The following MRPL3 variants were observed in gnomAD, a reference collection of about 807,000 sequenced individuals.
MRPL3 encodes the protein large ribosomal subunit protein uL3m.
Under a neutral mutation model 44.3 loss-of-function variants are expected in MRPL3, and 43 were observed. The ratio of observed to expected loss-of-function variants is 0.97; its 90% CI spans 0.76 to 1.25. The LOEUF is 1.25. MRPL3 is among the 50% of genes most tolerant of loss of function. The pLI, the probability that MRPL3 is intolerant of heterozygous loss-of-function variation, is 0.00. For missense variants in MRPL3, 406 were observed against 427.6 expected, an observed-to-expected ratio of 0.95 and a Z score of 0.45; for synonymous variants, 171 against 152.3, an observed-to-expected ratio of 1.12 and a Z score of -0.91.
At chr3:131,476,199 T>A (rs1268978949) in intron 6 of MRPL3, among the ~76,000 whole-genome samples, 1 of 152,188 alleles carries the variant, frequency 6.6e-6, no homozygotes, top group Non-Finnish European at 1.5e-5. Context: ...CTAGAATACA[T>A]CATGTAGTTA....
chr3:131,499,253 A>T (rs953519035), intron 3 of MRPL3, among the ~76,000 whole-genome samples: 6 of 152,138 alleles, frequency 3.9e-5, no homozygotes, highest in African/African-American at 1.4e-4. Flanking sequence ...ACAACATTTC[A>T]TTATGTGAAT....
At chr3:131,490,472 G>A (rs1047861055) in intron 4 of MRPL3, among the ~76,000 whole-genome samples, 3 of 152,046 alleles carry the variant, frequency 2.0e-5, no homozygotes, top group Admixed American at 6.6e-5. Flanking sequence ...AAGAAAACAC[G>A]GTATGTTACA....
intron 1 of MRPL3, among the ~76,000 whole-genome samples, chr3:131,502,456 G>A (rs1934519403): frequency 6.6e-6 from 1 of 152,236 alleles, no homozygotes; most frequent in South Asian, 2.1e-4. Context: ...ACACTTAGCA[G>A]AGCGCTTAGT....
intron 2 of MRPL3, among the ~76,000 whole-genome samples, chr3:131,501,037 C>T (rs1443810550): frequency 6.6e-6 from 1 of 152,202 alleles, no homozygotes; most frequent in East Asian, 1.9e-4. Flanking sequence ...ATTCGACTGT[C>T]ACAATAAACC....
chr3:131,468,020 T>G, intron 9 of MRPL3, 71 bp downstream of exon 9: 1 of 762,864 alleles, frequency 1.3e-6, no homozygotes, highest in East Asian at 2.9e-5. Flanking sequence ...AAAATAAAGA[T>G]AGTAATTTGT....
At chr3:131,475,424 T>C (rs1933833902) in intron 6 of MRPL3, among the ~76,000 whole-genome samples, 4 of 152,068 alleles carry the variant, frequency 2.6e-5, no homozygotes, top group East Asian at 1.9e-4. Context: ...CTTTGGGAAG[T>C]TGAGGTGGGA....
At chr3:131,487,903 T>C (rs1257716581) in intron 5 of MRPL3, among the ~76,000 whole-genome samples, 163 bp from the exon 6 acceptor site, 2 of 152,200 alleles carry the variant, frequency 1.3e-5, no homozygotes, top group Non-Finnish European at 2.9e-5. Context: ...ATTCAACAAA[T>C]ATGTCTTTTG....
chr3:131,485,446 T>G (rs1359997943), intron 6 of MRPL3, among the ~76,000 whole-genome samples: 2 of 152,236 alleles, frequency 1.3e-5, no homozygotes, highest in Non-Finnish European at 2.9e-5. Context: ...AATTACTATG[T>G]GGCATTTTAT....
Position 131,489,973 on chromosome 3 carries a change from C to G in MRPL3, c.568+8G>C, listed in dbSNP as rs1052090107. The stretch of plus-strand genomic sequence containing the variant: ...TTTACCTCCCTCCTCTCCCCAACCT[C>G]AAATTACCTGGTTTAATTGCAGCAT... On this transcript the variant is annotated splice_region_variant and intron_variant, in intron 5 of 9. Coordinates refer to ENST00000264995, the MANE Select transcript of MRPL3 (RefSeq NM_007208.4). 1.9e-6 allele frequency: 3 copies of G among 1,582,062 alleles called. No individual in the cohort carries two copies. The highest frequency in any genetic ancestry group is 1.7e-5 in the Admixed American group (1 of 59,772).
At chr3:131,469,216 A>C (rs1933686439) in intron 8 of MRPL3, among the ~76,000 whole-genome samples, 1 of 151,372 alleles carries the variant, frequency 6.6e-6, no homozygotes, top group African/African-American at 2.4e-5. Flanking sequence ...TCTCCTCCTT[A>C]CACTTACACA....
intron 8 of MRPL3, among the ~76,000 whole-genome samples, chr3:131,469,121 T>C (rs1559813181): frequency 1.3e-5 from 2 of 152,250 alleles, no homozygotes; most frequent in South Asian, 2.1e-4. Flanking sequence ...CTTTTAAATA[T>C]ACACAGACAT....
intron 9 of MRPL3, among the ~76,000 whole-genome samples, chr3:131,465,297 GT>G (rs1395705643): frequency 6.6e-6 from 1 of 152,140 alleles, no homozygotes; most frequent in Non-Finnish European, 1.5e-5. Flanking sequence ...AGTGAATAGA[GT>G]TTTTGGAAGT....
chr3:131,487,572 T>G, intron 6 of MRPL3, 108 bp downstream of exon 6: 4 of 871,074 alleles, frequency 4.6e-6, no homozygotes, highest in Non-Finnish European at 7.3e-6. Flanking sequence ...ATGAGAAATA[T>G]ATTTATCCTT....
intron 4 of MRPL3, among the ~76,000 whole-genome samples, chr3:131,491,968 C>T (rs1164070764): frequency 6.6e-6 from 1 of 152,090 alleles, no homozygotes. Context: ...CTTTTACTCT[C>T]CTCCTGACTC....
chr3:131,502,709 G>C (rs1582724550), intron 1 of MRPL3, 21 bp downstream of exon 1: 2 of 1,592,966 alleles, frequency 1.3e-6, no homozygotes, highest in Non-Finnish European at 1.7e-6. Flanking sequence ...GTGCAGGTAG[G>C]ACACCCTCAC....
At position 131,502,759 on chromosome 3, in the gene MRPL3, G is replaced by C. The variant is rs769397522; in HGVS notation, c.63C>G (p.Gly21=). The change falls in exon 1 of 10, where the codon GGC becomes GGG. Residue 21 remains glycine, a synonymous_variant. Coordinates refer to ENST00000264995, the MANE Select transcript of MRPL3 (RefSeq NM_007208.4). ...GAQVLGRLGD[G]LGAALGPGNR... is the part of the protein sequence containing the mutation. ...TCCCCGGGCCCAGGGCAGCACCCAG[G>C]CCGTCCCCGAGTCGACCCAGCACCT... 2 of 1,612,106 alleles carry C rather than the reference G, an allele frequency of 1.2e-6. No individual in the cohort carries two copies. The highest frequency in any genetic ancestry group is 2.2e-5 in the South Asian group (2 of 90,796).
chr3:131,484,525 T>C (rs989365476), intron 6 of MRPL3, among the ~76,000 whole-genome samples: 24 of 151,876 alleles, frequency 1.6e-4, no homozygotes, highest in African/African-American at 5.1e-4. Context: ...ATCCAGAAGA[T>C]AGAGCCGAAA....
chr3:131,483,360 T>C (rs1038123981), intron 6 of MRPL3, among the ~76,000 whole-genome samples: 3 of 152,196 alleles, frequency 2.0e-5, no homozygotes, highest in Non-Finnish European at 2.9e-5. Flanking sequence ...TATCTATTGA[T>C]AGTATAATAA....
intron 7 of MRPL3, among the ~76,000 whole-genome samples, chr3:131,470,569 A>G (rs1260541827): frequency 6.6e-6 from 1 of 152,082 alleles, no homozygotes; most frequent in East Asian, 1.9e-4. Flanking sequence ...TCATTCTACA[A>G]ATATATTCCG....
Sources: gnomAD v4.1 joint callset for allele counts (sites outside exome capture counted in the v4.1 genomes callset) on GRCh38, gnomAD v4.1.1 for gene constraint, MANE v1.5 for transcripts, NCBI Gene and HGNC (gene_info 2026-07-23, HGNC 2026-07-21) for gene names.